The following VAV3 variants were observed in gnomAD, a reference collection of about 807,000 sequenced individuals.
The protein encoded by VAV3 is guanine nucleotide exchange factor VAV3.
A neutral mutation model predicts 131.2 loss-of-function variants in VAV3; 94 were observed. The observed-to-expected ratio is 0.72, with a 90% CI of 0.61 to 0.85. VAV3 has a LOEUF of 0.85. VAV3 is among the 40% of genes least tolerant of loss of function. The pLI, the probability that VAV3 is intolerant of heterozygous loss-of-function variation, is 0.00. For missense variants in VAV3, 939 were observed against 1,002.7 expected, an observed-to-expected ratio of 0.94 and a Z score of 0.86; for synonymous variants, 349 against 342.0, an observed-to-expected ratio of 1.02 and a Z score of -0.22.
At chr1:107,671,915 T>A (rs1464488327) in intron 19 of VAV3, among the ~76,000 whole-genome samples, 1 of 152,216 alleles carries the variant, frequency 6.6e-6, no homozygotes, top group African/African-American at 2.4e-5. Context: ...GCTATGTGTA[T>A]AATAAAGCAC....
intron 25 of VAV3, among the ~76,000 whole-genome samples, chr1:107,592,131 T>A (rs1340005267): frequency 6.6e-6 from 1 of 152,158 alleles, no homozygotes; most frequent in Non-Finnish European, 1.5e-5. Context: ...ACATGTTATA[T>A]GTAGTTGTCA....
intron 1 of VAV3, among the ~76,000 whole-genome samples, chr1:107,906,791 A>G (rs977462440): frequency 6.6e-6 from 1 of 152,214 alleles, no homozygotes; most frequent in Non-Finnish European, 1.5e-5. Flanking sequence ...TGAAAAAGGG[A>G]GAAAAGCAGG....
intron 2 of VAV3, among the ~76,000 whole-genome samples, chr1:107,828,062 G>T (rs1047945393): frequency 1.3e-5 from 2 of 152,122 alleles, no homozygotes; most frequent in African/African-American, 4.8e-5. Flanking sequence ...CAGCATTCTG[G>T]ATACTCCTGA....
intron 15 of VAV3, among the ~76,000 whole-genome samples, chr1:107,720,452 C>G (rs1290427561): frequency 3.3e-5 from 1 of 30,050 alleles, no homozygotes; most frequent in East Asian, 1.7e-3. Context: ...GTTAATATTG[C>G]TAAAAAAAAA....
At chr1:107,920,360 A>C (rs1251712636) in intron 1 of VAV3, among the ~76,000 whole-genome samples, 2 of 152,256 alleles carry the variant, frequency 1.3e-5, no homozygotes, top group Admixed American at 6.5e-5. Context: ...TCCACTAATG[A>C]AACTTCGGGG....
chr1:107,592,836 A>G (rs908780680), intron 25 of VAV3, among the ~76,000 whole-genome samples: 2 of 152,130 alleles, frequency 1.3e-5, no homozygotes, highest in East Asian at 1.9e-4. Context: ...GCAAAAGTCA[A>G]TTTAATGCCC....
intron 1 of VAV3, among the ~76,000 whole-genome samples, chr1:107,954,534 A>T (rs1674709222): frequency 1.5e-5 from 2 of 130,576 alleles, no homozygotes; most frequent in African/African-American, 5.5e-5. Context: ...CCTGAGGCAA[A>T]TTTTTTTTTT....
At chr1:107,886,752 T>G (rs1671053950) in intron 1 of VAV3, among the ~76,000 whole-genome samples, 1 of 152,102 alleles carries the variant, frequency 6.6e-6, no homozygotes, top group Non-Finnish European at 1.5e-5. Context: ...TCCTCACCCT[T>G]TGCTCTCCCA....
intron 1 of VAV3, among the ~76,000 whole-genome samples, chr1:107,901,880 T>C (rs902039214): frequency 1.3e-5 from 2 of 151,844 alleles, no homozygotes; most frequent in Admixed American, 1.3e-4. Flanking sequence ...CCGTCTCTAC[T>C]AAAAATACAA....
In VAV3 at chr1:107,602,843, C is replaced by A. The variant is rs569283773; in HGVS notation, c.2132+204G>T. Among the ~76,000 whole-genome samples the A allele has an allele frequency of 2.0e-5, 3 of 152,244 alleles. No homozygotes were observed. The South Asian group carries it at 6.2e-4, about 32-fold the overall frequency. On this transcript the variant is annotated intron_variant, in intron 23 of 26. Coordinates refer to ENST00000370056, the MANE Select transcript of VAV3 (RefSeq NM_006113.5). ...CAAAACACAATATTATGAAAGAAAT[C>A]TAATATGCCAATTAGCAACCTATAA...
chr1:107,828,386 T>C (rs1382138809), intron 2 of VAV3, among the ~76,000 whole-genome samples: 2 of 152,218 alleles, frequency 1.3e-5, no homozygotes, highest in Non-Finnish European at 2.9e-5. Context: ...TAGTTTTCTA[T>C]ACTGCTGTAA....
chr1:107,871,328 T>C (rs865968541), intron 2 of VAV3, among the ~76,000 whole-genome samples: 1 of 148,842 alleles, frequency 6.7e-6, no homozygotes, highest in Non-Finnish European at 1.5e-5. Context: ...ACGTCCCCCA[T>C]TCCCCCCCTC....
chr1:107,780,386 A>T (rs541254231), intron 2 of VAV3, among the ~76,000 whole-genome samples: 24 of 152,330 alleles, frequency 1.6e-4, no homozygotes, highest in African/African-American at 5.3e-4. Context: ...TCAGTACTTA[A>T]ATCTAAATGT....
chr1:107,884,715 G>T (rs1342734303), intron 1 of VAV3, among the ~76,000 whole-genome samples: 2 of 151,692 alleles, frequency 1.3e-5, no homozygotes, highest in African/African-American at 4.8e-5. Context: ...CTCCCAAAGT[G>T]CTGGGATTAT....
intron 2 of VAV3, among the ~76,000 whole-genome samples, chr1:107,864,063 T>A (rs529606465): frequency 7.2e-4 from 110 of 152,330 alleles, no homozygotes; most frequent in African/African-American, 2.5e-3. Context: ...AGCTTATATA[T>A]AAACAAAAGG....
At chr1:107,649,428 T>C (rs1016020601) in intron 19 of VAV3, among the ~76,000 whole-genome samples, 6 of 152,118 alleles carry the variant, frequency 3.9e-5, no homozygotes, top group African/African-American at 1.4e-4. Flanking sequence ...TTCTGACTTC[T>C]GTAAACAAAA....
intron 2 of VAV3, among the ~76,000 whole-genome samples, chr1:107,800,365 T>C (rs1180193059): frequency 6.6e-6 from 1 of 152,198 alleles, no homozygotes; most frequent in Non-Finnish European, 1.5e-5. Context: ...CATTATTCCC[T>C]GCCCTTGTTA....
intron 2 of VAV3, among the ~76,000 whole-genome samples, chr1:107,863,247 T>C (rs1423911473): frequency 6.6e-6 from 1 of 152,120 alleles, no homozygotes; most frequent in Non-Finnish European, 1.5e-5. Flanking sequence ...TTCTTAAACA[T>C]CCCAAATCTC....
chr1:107,689,939 G>T (rs188410396), intron 17 of VAV3, among the ~76,000 whole-genome samples: 1 of 152,262 alleles, frequency 6.6e-6, no homozygotes, highest in East Asian at 1.9e-4. Flanking sequence ...ATATACACCA[G>T]AATATCCCTA....
Sources: allele counts gnomAD v4.1 joint callset (sites outside exome capture counted in the v4.1 genomes callset), GRCh38; gene constraint gnomAD v4.1.1; transcripts MANE v1.5; gene names NCBI Gene and HGNC (gene_info 2026-07-23, HGNC 2026-07-21).